Variants in BST1 observed in about 807,000 individuals in gnomAD.
The protein encoded by BST1 is bone marrow stromal cell antigen 1.
Under a neutral mutation model 40.6 loss-of-function variants are expected in BST1, and 49 were observed. The observed-to-expected ratio is 1.21, with a 90% CI of 0.96 to 1.53. BST1 has a LOEUF of 1.53. BST1 is among the 40% of genes most tolerant of loss of function. The pLI is 0.00. For synonymous variants in BST1, 157 were observed against 159.3 expected (o/e 0.99, Z 0.11); for missense variants, 423 against 395.9 (o/e 1.07, Z -0.58).
At chr4:15,735,919 A>G (rs892250511), downstream of BST1, 9 of 377,718 alleles carry the variant, frequency 2.4e-5, no homozygotes, top group African/African-American at 2.0e-4. Context: ...TATAAGAGTA[A>G]TAATGGCTCT....
chr4:15,731,606 C>A, intron 8 of BST1, 134 bp from the exon 9 acceptor site: 1 of 1,251,166 alleles, frequency 8.0e-7, no homozygotes, highest in South Asian at 1.3e-5. Context: ...TACGGGGTGT[C>A]ACGGGAGACT....
the BST1 span, among the ~76,000 whole-genome samples, chr4:15,750,724 T>C: frequency 6.6e-6 from 1 of 152,258 alleles, no homozygotes; most frequent in East Asian, 1.9e-4. Context: ...ATTGTTATAT[T>C]GATTACATGT....
In BST1 at chr4:15,704,400, ATGTG is replaced by A. The variant is rs34873617; in HGVS notation, c.188+1082_188+1085del. Among the ~76,000 whole-genome samples, 955 of 136,940 alleles carry A rather than the reference ATGTG, an allele frequency of 7.0e-3. 7 individuals carry two copies. Among genetic ancestry groups the A allele is most frequent in the East Asian group, 0.014 (63 of 4,534 alleles). The allele number at this position is 136,940 out of a possible 152,430, so 89.8% of individuals were successfully genotyped here. A position where few individuals can be genotyped will look rare whatever the true frequency, so the allele number is the denominator to read the frequency against. ...GGTGTGTGTGTTCTAGAGGTAAGGG[ATGTG>A]TGTGTGTGTGTGTTCTAGAGGTGAG... On this transcript the variant is annotated intron_variant, in intron 1 of 8. Coordinates refer to ENST00000265016, the MANE Select transcript of BST1 (RefSeq NM_004334.3).
intron 1 of BST1, among the ~76,000 whole-genome samples, chr4:15,703,643 TGCGCGCGC>T (rs1719681517): frequency 8.2e-6 from 1 of 121,266 alleles, no homozygotes; most frequent in African/African-American, 3.1e-5. Flanking sequence ...GGTGTGTGTG[TGCGCGCGC>T]TCTAGAGGTG....
chr4:15,760,100 C>A, the BST1 span, among the ~76,000 whole-genome samples: 2 of 152,000 alleles, frequency 1.3e-5, no homozygotes, highest in Admixed American at 6.5e-5. Context: ...CCCCAACATG[C>A]AGCCCTAGGG....
intron 1 of BST1, among the ~76,000 whole-genome samples, chr4:15,704,253 G>A (rs1719748581): frequency 7.1e-6 from 1 of 140,834 alleles, no homozygotes; most frequent in East Asian, 2.2e-4. Context: ...CTAGAGATGA[G>A]GTGTGTATGT....
downstream of BST1, among the ~76,000 whole-genome samples, chr4:15,734,453 A>G (rs1306268395): frequency 6.6e-6 from 1 of 152,186 alleles, no homozygotes; most frequent in Non-Finnish European, 1.5e-5. Context: ...AAAGTATGAT[A>G]CAAATTTAAT....
chr4:15,756,612 T>A, the BST1 span, among the ~76,000 whole-genome samples: 21 of 152,034 alleles, frequency 1.4e-4, no homozygotes, highest in African/African-American at 4.4e-4. Flanking sequence ...GAAGATGATG[T>A]CCTTAATGGG....
intron 3 of BST1, 33 bp from the exon 4 acceptor site, chr4:15,711,774 G>A (rs1228492642): frequency 6.7e-7 from 1 of 1,494,976 alleles, no homozygotes; most frequent in Non-Finnish European, 9.3e-7. Context: ...GATAATCTTT[G>A]GAATAAAATG....
intron 3 of BST1, among the ~76,000 whole-genome samples, chr4:15,709,565 G>GA (rs767073957): frequency 5.9e-5 from 9 of 152,160 alleles, no homozygotes; most frequent in Non-Finnish European, 1.3e-4. Context: ...GGAATGTGAT[G>GA]AAAAACACAT....
chr4:15,709,360 AGT>A (rs1275520908), intron 3 of BST1, among the ~76,000 whole-genome samples: 17 of 152,308 alleles, frequency 1.1e-4, no homozygotes. Flanking sequence ...CAAAGAGGAA[AGT>A]GTGAGCTATG....
Position 15,707,855 on chromosome 4 carries a change from C to CTCTCTCTCTATA in BST1, c.451+210_451+211insCTCTCTCTATAT, listed in dbSNP as rs544633858. 3.2e-3 allele frequency among the ~76,000 whole-genome samples: 406 copies of CTCTCTCTCTATA among 128,492 alleles called. 4 individuals carry two copies. Among genetic ancestry groups the CTCTCTCTCTATA allele is most frequent in the African/African-American group, 8.8e-3 (298 of 33,962 alleles). 84.3% of individuals were successfully genotyped at this position (128,492 alleles called of 152,430 possible). A position where few individuals can be genotyped will look rare whatever the true frequency, so the allele number is the denominator to read the frequency against. ...AAGCACTCTCTCTCTCTCTCTCTCT[C>CTCTCTCTCTATA]TATATATATATATATATATACACAT... is the stretch of plus-strand genomic sequence containing the variant. On this transcript the variant is annotated intron_variant, in intron 3 of 8. Coordinates refer to ENST00000265016, the MANE Select transcript of BST1 (RefSeq NM_004334.3).
chr4:15,730,472 T>C (rs1203322564), intron 8 of BST1, among the ~76,000 whole-genome samples: 2 of 152,212 alleles, frequency 1.3e-5, no homozygotes, highest in Non-Finnish European at 1.5e-5. Context: ...CTGTGTTCCA[T>C]CCGTACAATA....
the BST1 span, among the ~76,000 whole-genome samples, chr4:15,771,380 C>CA: frequency 9.9e-5 from 15 of 152,200 alleles, no homozygotes; most frequent in African/African-American, 3.6e-4. Flanking sequence ...TTCTTCCCCC[C>CA]AAATATACCA....
At chr4:15,763,187 T>A in the BST1 span, among the ~76,000 whole-genome samples, 2 of 151,928 alleles carry the variant, frequency 1.3e-5, no homozygotes, top group African/African-American at 4.8e-5. Flanking sequence ...CTTTTAAAGA[T>A]TGTAGCTTTA....
chr4:15,767,872 C>G, the BST1 span, among the ~76,000 whole-genome samples: 3 of 152,082 alleles, frequency 2.0e-5, no homozygotes, highest in African/African-American at 7.2e-5. Context: ...CTGCCCATCT[C>G]GGCCTCCTCA....
chr4:15,715,134 A>T (rs1720434715), intron 4 of BST1, 151 bp from the exon 5 acceptor site: 2 of 660,854 alleles, frequency 3.0e-6, no homozygotes, highest in South Asian at 2.1e-5. Context: ...TTCCAAAATA[A>T]ACCAGTTTGC....
rs1169757714 is a variant in BST1, at chr4:15,703,158, G to C, written c.14G>C (p.Gly5Ala). The change falls in exon 1 of 9, where the codon GGG (glycine) becomes GCG (alanine). Residue 5 changes from glycine (G) to alanine (A), a missense_variant. By Grantham distance (60) the Gly-to-Ala change is moderately conservative. Coordinates refer to ENST00000265016, the MANE Select transcript of BST1 (RefSeq NM_004334.3). ...CAAAGTTCCCCGATGGCGGCCCAGG[G>C]GTGCGCGGCATCGCGGCTGCTCCAG... MAAQ[G>A]CAASRLLQLL... is the part of the protein sequence containing the mutation. 6 of 1,576,504 alleles carry C rather than the reference G, an allele frequency of 3.8e-6. No homozygotes were observed. The African/African-American group carries it at 8.1e-5, about 21-fold the overall frequency.
rs577057751 is a variant in BST1 at position 15,708,478 on chromosome 4, C to A, written c.451+832C>A. ...AGTGAGACACCAGCCTCCACCAGATCATCAGGGAAGCTTCAGAAGGGAGGC... is the reference window on the plus strand; with the variant it reads ...AGTGAGACACCAGCCTCCACCAGATAATCAGGGAAGCTTCAGAAGGGAGGC... On this transcript the variant is annotated intron_variant, in intron 3 of 8. Transcript: ENST00000265016. 6.6e-5 allele frequency among the ~76,000 whole-genome samples: 10 copies of A among 152,198 alleles called. No individual in the cohort carries two copies. In the East Asian group the frequency reaches 1.9e-3, roughly 29 times the overall value.
Sources: allele counts gnomAD v4.1 joint callset (sites outside exome capture counted in the v4.1 genomes callset), GRCh38; gene constraint gnomAD v4.1.1; transcripts MANE v1.5; gene names NCBI Gene and HGNC (gene_info 2026-07-23, HGNC 2026-07-21).